Variants in PGCKA1 observed in about 807,000 individuals in gnomAD.
PGCKA1 encodes PDCD10 and GCKIII kinases associated 1, also known as PDCD10 and GCKIII kinases-associated protein 1.
chr4:37,534,053 T>G, the PGCKA1 span, among the ~76,000 whole-genome samples: 1 of 152,312 alleles, frequency 6.6e-6, no homozygotes, highest in Non-Finnish European at 1.5e-5. Context: ...GGAAAAGCAA[T>G]GCTTTTTTTT....
chr4:37,490,818 T>C, the PGCKA1 span, among the ~76,000 whole-genome samples: 1 of 152,140 alleles, frequency 6.6e-6, no homozygotes, highest in Admixed American at 6.5e-5. Flanking sequence ...GTTACCAGAT[T>C]TCTGTGTGTT....
chr4:37,485,801 A>G, the PGCKA1 span, among the ~76,000 whole-genome samples: 3 of 152,176 alleles, frequency 2.0e-5, no homozygotes, highest in African/African-American at 7.2e-5. Flanking sequence ...CCAAGAAGAT[A>G]TTGTTTGACC....
the PGCKA1 span, among the ~76,000 whole-genome samples, chr4:37,468,487 C>T: frequency 6.6e-6 from 1 of 152,172 alleles, no homozygotes; most frequent in African/African-American, 2.4e-5. Flanking sequence ...ACCTCTGGTG[C>T]CTCGTCCTTT....
chr4:37,498,342 C>T, the PGCKA1 span, among the ~76,000 whole-genome samples: 1 of 152,098 alleles, frequency 6.6e-6, no homozygotes, highest in Admixed American at 6.6e-5. Flanking sequence ...TAGTGTGATG[C>T]CTCCAGATTT....
At chr4:37,571,366 T>TCC in the PGCKA1 span, among the ~76,000 whole-genome samples, 203 of 132,664 alleles carry the variant, frequency 1.5e-3, 3 homozygotes, top group African/African-American at 5.6e-3. Context: ...TTTTTTTTTT[T>TCC]TTTTTTTTTT....
chr4:37,475,263 T>G, the PGCKA1 span, among the ~76,000 whole-genome samples: 1 of 152,138 alleles, frequency 6.6e-6, no homozygotes, highest in East Asian at 1.9e-4. Flanking sequence ...TCCCTCCCCT[T>G]TATACAGTTC....
chr4:37,583,447 T>G, the PGCKA1 span, among the ~76,000 whole-genome samples: 57,817 of 149,440 alleles, frequency 0.39, 11,946 homozygotes, highest in African/African-American at 0.48. Flanking sequence ...TTTTGTTTTT[T>G]TTTTTTTGAG....
chr4:37,536,419 C>T, the PGCKA1 span, among the ~76,000 whole-genome samples: 33 of 152,148 alleles, frequency 2.2e-4, no homozygotes, highest in Middle Eastern at 3.4e-3. Flanking sequence ...GGAATCTGGG[C>T]GCAGGATAAT....
At chr4:37,462,244 C>T in the PGCKA1 span, among the ~76,000 whole-genome samples, 3 of 152,180 alleles carry the variant, frequency 2.0e-5, no homozygotes, top group Non-Finnish European at 4.4e-5. Flanking sequence ...GCCTTCCCAA[C>T]AACCCTGTGA....
chr4:37,462,973 A>AG, the PGCKA1 span, among the ~76,000 whole-genome samples: 1 of 151,586 alleles, frequency 6.6e-6, no homozygotes, highest in South Asian at 2.1e-4. Flanking sequence ...AAAAAAAAAA[A>AG]AAAAAAAAAA....
the PGCKA1 span, among the ~76,000 whole-genome samples, chr4:37,486,346 A>G: frequency 6.6e-6 from 1 of 152,134 alleles, no homozygotes; most frequent in African/African-American, 2.4e-5. Flanking sequence ...CTAGTTTCAC[A>G]CAAAACCAAG....
the PGCKA1 span, among the ~76,000 whole-genome samples, chr4:37,495,528 C>G: frequency 6.6e-6 from 1 of 152,074 alleles, no homozygotes; most frequent in Non-Finnish European, 1.5e-5. Flanking sequence ...TACTACGCAG[C>G]CCTAAAAAAG....
the PGCKA1 span, among the ~76,000 whole-genome samples, chr4:37,554,050 G>C: frequency 2.6e-5 from 4 of 152,164 alleles, no homozygotes; most frequent in Non-Finnish European, 5.9e-5. Context: ...GTTGTGGGAG[G>C]TAATTGAATC....
chr4:37,467,639 A>G, the PGCKA1 span, among the ~76,000 whole-genome samples: 1 of 152,244 alleles, frequency 6.6e-6, no homozygotes, highest in South Asian at 2.1e-4. Context: ...GAGCAAGACC[A>G]AGACTAGAAC....
At chr4:37,554,868 A>G in the PGCKA1 span, among the ~76,000 whole-genome samples, 1 of 152,208 alleles carries the variant, frequency 6.6e-6, no homozygotes, top group Non-Finnish European at 1.5e-5. Flanking sequence ...AATAGAAAGT[A>G]GCTGGAGGAG....
chr4:37,517,367 A>C, the PGCKA1 span, among the ~76,000 whole-genome samples: 1 of 151,064 alleles, frequency 6.6e-6, no homozygotes, highest in Non-Finnish European at 1.5e-5. Context: ...AAAATACGGT[A>C]TATTTTTAAG....
At chr4:37,554,343 A>C in the PGCKA1 span, among the ~76,000 whole-genome samples, 1 of 140,652 alleles carries the variant, frequency 7.1e-6, no homozygotes. Context: ...AAGATCCTTT[A>C]GAAATATTTA....
At chr4:37,578,710 A>G in the PGCKA1 span, among the ~76,000 whole-genome samples, 2 of 151,870 alleles carry the variant, frequency 1.3e-5, no homozygotes, top group Non-Finnish European at 2.9e-5. Context: ...ACTTTTCTGT[A>G]TTCATTGTAT....
chr4:37,524,270 A>G, the PGCKA1 span, among the ~76,000 whole-genome samples: 10 of 152,354 alleles, frequency 6.6e-5, no homozygotes, highest in Admixed American at 2.0e-4. Context: ...CAGCATTGAT[A>G]GTTTGTATGG....
Sources: allele counts gnomAD v4.1 joint callset (sites outside exome capture counted in the v4.1 genomes callset), GRCh38; gene constraint gnomAD v4.1.1; transcripts MANE v1.5; gene names NCBI Gene and HGNC (gene_info 2026-07-23, HGNC 2026-07-21).